Variants in STPG2 observed in about 807,000 individuals in gnomAD.
The protein encoded by STPG2 is sperm tail PG-rich repeat containing 2.
A neutral mutation model predicts 54.2 loss-of-function variants in STPG2; 56 were observed. The observed-to-expected ratio is 1.03, with a 90% CI of 0.83 to 1.29. The LOEUF (loss-of-function observed/expected upper bound fraction) is 1.29, where lower values mean the gene tolerates loss of function less well. Among genes scored for constraint, STPG2 ranks in the 50% most tolerant of loss-of-function variants. STPG2 has a pLI of 0.00. For synonymous variants in STPG2, 200 were observed against 181.8 expected, an observed-to-expected ratio of 1.10 and a Z score of -0.81; for missense variants, 596 against 544.9, an observed-to-expected ratio of 1.09 and a Z score of -0.93.
At chr4:97,478,662 C>T (rs1344556528) in intron 4 of STPG2, among the ~76,000 whole-genome samples, 1 of 151,766 alleles carries the variant, frequency 6.6e-6, no homozygotes, top group Non-Finnish European at 1.5e-5. Flanking sequence ...ATGAAATTAA[C>T]TCTATGATAA....
intron 7 of STPG2, among the ~76,000 whole-genome samples, chr4:97,954,314 T>A (rs193048246): frequency 6.6e-6 from 1 of 152,308 alleles, no homozygotes. Context: ...GCTACTGGTG[T>A]GCAGGTGCAC....
At chr4:97,498,322 T>C (rs1325587204) in intron 4 of STPG2, among the ~76,000 whole-genome samples, 1 of 151,970 alleles carries the variant, frequency 6.6e-6, no homozygotes, top group Non-Finnish European at 1.5e-5. Flanking sequence ...TTATGTAAGA[T>C]GTTAAAAGAA....
In STPG2 at chr4:97,840,924, T is replaced by A; in HGVS notation, c.1053A>T (p.Pro351=). ...TGTGAACATCATAGCTGCCTGGCGCTGGAATAACCTGAAAAAAAATTTAAT... is the reference window on the plus strand; with the variant it reads ...TGTGAACATCATAGCTGCCTGGCGCAGGAATAACCTGAAAAAAAATTTAAT... ...RTMKVPDMVI[P]APGSYDVHKS... is the part of the protein sequence containing the mutation. Residue 351 remains proline (P), a synonymous_variant, in exon 9 of 11, where the codon CCA becomes CCT. Transcript: ENST00000295268. 1 of 1,609,978 alleles carries A rather than the reference T, an allele frequency of 6.2e-7. No homozygotes were observed. Among genetic ancestry groups the A allele is most frequent in the Non-Finnish European group, 8.5e-7 (1 of 1,177,866 alleles).
chr4:98,138,277 G>T, intron 1 of STPG2, among the ~76,000 whole-genome samples: 1 of 152,080 alleles, frequency 6.6e-6, no homozygotes, highest in Non-Finnish European at 1.5e-5. Flanking sequence ...GGTAGAGTTT[G>T]ATATGGGACA....
At chr4:97,480,229 A>G (rs1027206453) in intron 4 of STPG2, among the ~76,000 whole-genome samples, 4 of 151,718 alleles carry the variant, frequency 2.6e-5, no homozygotes, top group Non-Finnish European at 4.4e-5. Context: ...CAAACCACCA[A>G]TGTTCACTCA....
chr4:98,121,289 G>A (rs1322248611), intron 3 of STPG2, among the ~76,000 whole-genome samples: 1 of 152,280 alleles, frequency 6.6e-6, no homozygotes, highest in East Asian at 1.9e-4. Context: ...TTTGGTTAAT[G>A]TAGCCTTGTA....
chr4:97,534,711 A>G (rs937271749), intron 4 of STPG2, among the ~76,000 whole-genome samples: 3 of 152,186 alleles, frequency 2.0e-5, no homozygotes, highest in Admixed American at 2.0e-4. Context: ...TCATGTAACC[A>G]CTACCAGAAT....
chr4:97,649,629 T>C (rs916002021), intron 10 of STPG2, among the ~76,000 whole-genome samples: 1 of 152,140 alleles, frequency 6.6e-6, no homozygotes, highest in African/African-American at 2.4e-5. Context: ...TGTTTCAGTA[T>C]GTAGTTTGGA....
intron 8 of STPG2, among the ~76,000 whole-genome samples, chr4:97,869,532 C>A (rs950856663): frequency 1.3e-5 from 2 of 151,450 alleles, no homozygotes; most frequent in African/African-American, 2.4e-5. Flanking sequence ...GAGTTGAATG[C>A]AGTTATAGGA....
chr4:97,443,696 T>A (rs1729147597), intron 4 of STPG2, among the ~76,000 whole-genome samples: 2 of 152,126 alleles, frequency 1.3e-5, no homozygotes, highest in African/African-American at 4.8e-5. Flanking sequence ...GCCCCATATT[T>A]AAGGTACCTG....
At chr4:97,987,542 T>C (rs1734866801) in intron 5 of STPG2, among the ~76,000 whole-genome samples, 1 of 152,172 alleles carries the variant, frequency 6.6e-6, no homozygotes, top group Non-Finnish European at 1.5e-5. Flanking sequence ...CTTAGTCATA[T>C]AAATAAATAT....
chr4:97,789,803 T>C (rs930394823), intron 9 of STPG2, among the ~76,000 whole-genome samples: 15 of 152,160 alleles, frequency 9.9e-5, no homozygotes, highest in Non-Finnish European at 2.1e-4. Flanking sequence ...CAACTTACTG[T>C]ACAAAGCGGG....
chr4:97,548,260 T>TGG (rs1237134231), intron 4 of STPG2, among the ~76,000 whole-genome samples: 1 of 152,166 alleles, frequency 6.6e-6, no homozygotes, highest in Non-Finnish European at 1.5e-5. Flanking sequence ...ATCAACTTTT[T>TGG]TAGTATGAAG....
At chr4:97,963,621 C>T (rs1269044878) in intron 7 of STPG2, among the ~76,000 whole-genome samples, 1 of 151,982 alleles carries the variant, frequency 6.6e-6, no homozygotes, top group African/African-American at 2.4e-5. Context: ...CACCATTGCA[C>T]TCCAGCCTGG....
intron 4 of STPG2, among the ~76,000 whole-genome samples, chr4:97,488,644 AGC>A (rs1279416532): frequency 2.6e-5 from 4 of 151,720 alleles, no homozygotes; most frequent in African/African-American, 9.7e-5. Flanking sequence ...ATAGCAAATC[AGC>A]CATTTTCAAA....
intron 10 of STPG2, among the ~76,000 whole-genome samples, chr4:97,599,595 G>A (rs1276197948): frequency 1.1e-4 from 17 of 151,978 alleles, no homozygotes; most frequent in Admixed American, 2.0e-4. Context: ...AGGCCGAGGC[G>A]GGCAGATCAT....
chr4:97,578,478 A>C (rs1293530259), intron 10 of STPG2, among the ~76,000 whole-genome samples: 1 of 152,124 alleles, frequency 6.6e-6, no homozygotes, highest in Admixed American at 6.6e-5. Flanking sequence ...TGAGCCCTTA[A>C]TCCATGGAAT....
intron 5 of STPG2, among the ~76,000 whole-genome samples, chr4:98,030,866 A>T (rs1276820518): frequency 1.3e-5 from 2 of 152,190 alleles, no homozygotes; most frequent in South Asian, 4.1e-4. Flanking sequence ...CCTTCTTTAC[A>T]CAATGTACAA....
chr4:97,959,331 C>A (rs568145779), intron 7 of STPG2, among the ~76,000 whole-genome samples: 113 of 151,888 alleles, frequency 7.4e-4, no homozygotes, highest in African/African-American at 2.0e-3. Context: ...CAAGAAAAAA[C>A]CAAACTTAAC....
Sources: gnomAD v4.1 joint callset for allele counts (sites outside exome capture counted in the v4.1 genomes callset) on GRCh38, gnomAD v4.1.1 for gene constraint, MANE v1.5 for transcripts, NCBI Gene and HGNC (gene_info 2026-07-23, HGNC 2026-07-21) for gene names.